MIER1: variants seen among roughly 807,000 people sequenced by gnomAD.
MIER1 encodes the protein MIER1 transcriptional regulator.
MIER1 carries 40 observed loss-of-function variants against 75.7 expected under a neutral mutation model. That is an observed-to-expected ratio of 0.53 (90% CI 0.41 to 0.69). The LOEUF (loss-of-function observed/expected upper bound fraction) is 0.69, where lower values mean the gene tolerates loss of function less well. Among genes scored for constraint, MIER1 ranks in the 30% least tolerant of loss-of-function variants. MIER1 has a pLI of 0.00. For synonymous variants in MIER1, 213 were observed against 223.4 expected, an observed-to-expected ratio of 0.95 and a Z score of 0.42; for missense variants, 574 against 680.2, an observed-to-expected ratio of 0.84 and a Z score of 1.74.
intron 4 of MIER1, among the ~76,000 whole-genome samples, chr1:66,954,727 A>G (rs1481144083): frequency 6.7e-6 from 1 of 149,272 alleles, no homozygotes; most frequent in East Asian, 2.0e-4. Context: ...TTTTCTTGAG[A>G]CAGAGTCTCA....
intron 12 of MIER1, among the ~76,000 whole-genome samples, chr1:66,979,046 T>C (rs1337056385): frequency 6.6e-6 from 1 of 152,174 alleles, no homozygotes; most frequent in African/African-American, 2.4e-5. Context: ...TTTTTTCCCT[T>C]AGGCAGGAAT....
chr1:66,930,946 C>T (rs1237004815), intron 2 of MIER1, among the ~76,000 whole-genome samples: 1 of 152,130 alleles, frequency 6.6e-6, no homozygotes, highest in Non-Finnish European at 1.5e-5. Context: ...ATCCAGCCCT[C>T]CAGGTTGGGG....
At chr1:66,965,438 CTTTG>C (rs975432983) in intron 8 of MIER1, among the ~76,000 whole-genome samples, 89 of 151,704 alleles carry the variant, frequency 5.9e-4, no homozygotes, top group African/African-American at 1.9e-3. Context: ...TTGCAGTATA[CTTTG>C]TTTTTTATTT....
intron 2 of MIER1, among the ~76,000 whole-genome samples, chr1:66,930,850 A>G (rs1570046997): frequency 6.6e-6 from 1 of 152,016 alleles, no homozygotes; most frequent in East Asian, 1.9e-4. Context: ...AGTGGGGAAA[A>G]CGTAAGGCTG....
intron 7 of MIER1, among the ~76,000 whole-genome samples, chr1:66,961,076 TACTC>T (rs1436758230): frequency 2.0e-5 from 3 of 152,156 alleles, no homozygotes; most frequent in African/African-American, 7.2e-5. Flanking sequence ...ACCCACACCT[TACTC>T]AGAAAGGGTA....
chr1:66,930,269 C>T (rs945402527), intron 2 of MIER1: 8 of 1,541,122 alleles, frequency 5.2e-6, no homozygotes, highest in South Asian at 1.2e-5. Flanking sequence ...CCCGCCGAGG[C>T]AGTGGCGGCG....
At chr1:66,926,078 G>A (rs1651690521) in intron 1 of MIER1, 64 bp from the exon 2 acceptor site, 2 of 1,273,738 alleles carry the variant, frequency 1.6e-6, no homozygotes, top group African/African-American at 1.5e-5. Flanking sequence ...AAACAGGGTG[G>A]ATGGTGAGCT....
intron 2 of MIER1, among the ~76,000 whole-genome samples, chr1:66,932,335 T>TA (rs1456829338): frequency 2.0e-4 from 30 of 152,218 alleles, no homozygotes; most frequent in African/African-American, 7.2e-4. Flanking sequence ...ATTTGGTTTT[T>TA]AGTGTTTATT....
chr1:66,936,512 C>G (rs1654878326), intron 2 of MIER1, among the ~76,000 whole-genome samples: 1 of 151,976 alleles, frequency 6.6e-6, no homozygotes, highest in Non-Finnish European at 1.5e-5. Flanking sequence ...GGATTACAGG[C>G]GTGAGCCACC....
At chr1:66,937,983 T>C (rs1655312031) in intron 2 of MIER1, among the ~76,000 whole-genome samples, 1 of 152,236 alleles carries the variant, frequency 6.6e-6, no homozygotes. Flanking sequence ...AATCTAGATA[T>C]GCCTTTAAAT....
chr1:66,953,526 A>C lies in MIER1; in HGVS notation c.340-4533A>C, dbSNP rs1037860984. On this transcript the variant is annotated intron_variant, in intron 4 of 13. Transcript: ENST00000401041. ...TTTCTTTGTTGCTTACTAAGCTGATATTACTCACTTGATATTGGGTGACAG... is the reference window on the plus strand; with the variant it reads ...TTTCTTTGTTGCTTACTAAGCTGATCTTACTCACTTGATATTGGGTGACAG... Among the ~76,000 whole-genome samples the C allele has an allele frequency of 4.7e-5, 7 of 149,436 alleles. No individual in the cohort carries two copies. In the East Asian group the frequency reaches 1.4e-3, roughly 29 times the overall value.
chr1:66,986,232 C>T lies in MIER1; in HGVS notation c.*1332C>T. 2 of 1,317,766 alleles carry T rather than the reference C, an allele frequency of 1.5e-6. No homozygotes were observed. The highest frequency in any genetic ancestry group is 1.9e-6 in the Non-Finnish European group (2 of 1,035,548). 81.6% of individuals were successfully genotyped at this position (1,317,766 alleles called of 1,614,324 possible). On this transcript the variant is annotated 3_prime_UTR_variant, in exon 14 of 14. Coordinates refer to ENST00000401041, the MANE Select transcript of MIER1 (RefSeq NM_001077700.3). ...AAGTGAAAATAAGATACACAATAAT[C>T]ATTGCTCTGTGTGATTACAGATAGG...
intron 12 of MIER1, 120 bp downstream of exon 12, chr1:66,976,842 G>T (rs1664816047): frequency 1.3e-6 from 1 of 792,650 alleles, no homozygotes; most frequent in African/African-American, 1.8e-5. Flanking sequence ...TAACCAGAAG[G>T]CCGAGAGTGA....
At chr1:66,941,639 C>G (rs1034007027) in intron 3 of MIER1, among the ~76,000 whole-genome samples, 36 of 152,288 alleles carry the variant, frequency 2.4e-4, no homozygotes, top group African/African-American at 8.7e-4. Flanking sequence ...ACATTTGAAT[C>G]AGCCTAGGCT....
At position 66,984,743 on chromosome 1, in the gene MIER1, C is replaced by T. The variant is rs751410661; in HGVS notation, c.1541C>T (p.Thr514Ile). ...ACTGACCCAAAACTTGCCCATATGACTGCAAGAAATGAAAATGATTTTGAT... is the reference window on the plus strand; with the variant it reads ...ACTGACCCAAAACTTGCCCATATGATTGCAAGAAATGAAAATGATTTTGAT... ...LTTDPKLAHM[T>I]ARNENDFDEK... Residue 514 changes from threonine to isoleucine, a missense_variant, in exon 14 of 14, where the codon ACT (threonine) becomes ATT (isoleucine). Thr to Ile is a moderately conservative substitution (Grantham distance 89). Transcript: ENST00000401041. 1 of 1,613,970 alleles carries T rather than the reference C, an allele frequency of 6.2e-7. No homozygotes were observed. Among genetic ancestry groups the T allele is most frequent in the Non-Finnish European group, 8.5e-7 (1 of 1,179,936 alleles).
intron 1 of MIER1, chr1:66,925,303 C>A: frequency 1.0e-6 from 1 of 985,204 alleles, no homozygotes; most frequent in Non-Finnish European, 1.2e-6. Flanking sequence ...GCAGCTTCCT[C>A]CCTCTGGCCA....
Position 66,985,799 on chromosome 1 carries a change from A to T in MIER1, c.*899A>T. On this transcript the variant is annotated 3_prime_UTR_variant, in exon 14 of 14. Transcript: ENST00000401041. ...TCTTATCCAGGTGGTTAAAGCATTC[A>T]TAAAGGATTATAAAATTTTTTTTTT... is the stretch of plus-strand genomic sequence containing the variant. 5.7e-6 allele frequency: 5 copies of T among 872,244 alleles called. No homozygotes were observed. The highest frequency in any genetic ancestry group is 6.8e-6 in the Non-Finnish European group (5 of 732,454). 54.0% of individuals were successfully genotyped at this position (872,244 alleles called of 1,614,324 possible).
chr1:66,949,395 C>T (rs973410881), intron 4 of MIER1, among the ~76,000 whole-genome samples: 1 of 152,042 alleles, frequency 6.6e-6, no homozygotes. Flanking sequence ...TTTCCCCAGC[C>T]CCATATAGTG....
At chr1:66,984,545 G>T in intron 13 of MIER1, 27 bp from the exon 14 acceptor site, 1 of 1,503,446 alleles carries the variant, frequency 6.7e-7, no homozygotes, top group East Asian at 2.3e-5. Context: ...TCTAATTGTG[G>T]TTTCATTTAT....
Sources: allele counts gnomAD v4.1 joint callset (sites outside exome capture counted in the v4.1 genomes callset), GRCh38; gene constraint gnomAD v4.1.1; transcripts MANE v1.5; gene names NCBI Gene and HGNC (gene_info 2026-07-23, HGNC 2026-07-21).